Variants in GNA12 observed in about 807,000 individuals in gnomAD.
The protein encoded by GNA12 is guanine nucleotide-binding protein subunit alpha-12.
In GNA12, 9 loss-of-function variants were observed where a neutral mutation model predicts 26.0. The observed-to-expected ratio is 0.35, with a 90% CI of 0.21 to 0.60. GNA12 has a LOEUF of 0.60. Ranked by LOEUF, GNA12 falls within the 20% of genes least tolerant of loss-of-function variation. The pLI, the probability that GNA12 is intolerant of heterozygous loss-of-function variation, is 0.78. For synonymous variants in GNA12, 264 were observed against 219.6 expected (o/e 1.20, Z -1.79); for missense variants, 405 against 525.8 (o/e 0.77, Z 2.25).
At position 2,730,588 on chromosome 7, in the gene GNA12, G is replaced by C. The variant is rs1789838112; in HGVS notation, c.*593C>G. 6.6e-6 allele frequency: 1 copy of C among 152,582 alleles called. No individual in the cohort carries two copies. Among genetic ancestry groups the C allele is most frequent in the African/African-American group, 2.4e-5 (1 of 41,464 alleles). The allele number at this position is 152,582 out of a possible 1,614,324, so 9.5% of individuals were successfully genotyped here. A position where few individuals can be genotyped will look rare whatever the true frequency, so the allele number is the denominator to read the frequency against. ...TGGACTAGGGGCTCTTAGGAAATCG[G>C]CACGGGAGTTTGAAAAGGCAACGTG... On this transcript the variant is annotated 3_prime_UTR_variant, in exon 4 of 4. Transcript: ENST00000275364.
intron 1 of GNA12, 61 bp downstream of exon 1, chr7:2,843,767 CGGCGGCGGACCACGGAGGGGCCCGG>C (rs1779079129): frequency 1.8e-5 from 11 of 623,322 alleles, no homozygotes; most frequent in Non-Finnish European, 2.5e-5. Flanking sequence ...TCCCCGCCCG[CGGCGGCGGACCACGGAGGGGCCCGG>C]GGCGGGGGTT....
intron 1 of GNA12, among the ~76,000 whole-genome samples, chr7:2,805,403 G>A (rs903095055): frequency 1.3e-5 from 2 of 152,206 alleles, no homozygotes; most frequent in Non-Finnish European, 2.9e-5. Flanking sequence ...TTAAGCTAGA[G>A]ATTTTCTTTT....
chr7:2,788,411 C>G (rs534356775), intron 2 of GNA12, among the ~76,000 whole-genome samples: 3 of 152,174 alleles, frequency 2.0e-5, no homozygotes, highest in Non-Finnish European at 4.4e-5. Context: ...GGGGAGCTCT[C>G]CCTCCCCACC....
Position 2,731,038 on chromosome 7 carries a change from G to A in GNA12, c.*143C>T, listed in dbSNP as rs1789862099. 1.7e-6 allele frequency: 1 copy of A among 595,216 alleles called. No homozygotes were observed. The highest frequency in any genetic ancestry group is 1.8e-5 in the African/African-American group (1 of 54,196). The allele number at this position is 595,216 out of a possible 1,614,324, so 36.9% of individuals were successfully genotyped here. ...TTGCCTAGAGCTCGCTGGCTGGCTG[G>A]TCTGACAGCATTCCTGAGCCAGGTA... On this transcript the variant is annotated 3_prime_UTR_variant, in exon 4 of 4. Coordinates refer to ENST00000275364, the MANE Select transcript of GNA12 (RefSeq NM_007353.3). The surrounding 1 kb of genome is among the most constrained non-coding windows in gnomAD (Gnocchi z 6.0).
Position 2,748,438 on chromosome 7 carries a change from G to T in GNA12, c.526-14937C>A, listed in dbSNP as rs1379048686. ...GATTCCCTATTTAATAAATGGTGCT[G>T]GGAAAACTGGCTAGCCATATGTAGA... is the stretch of plus-strand genomic sequence containing the variant. On this transcript the variant is annotated intron_variant, in intron 2 of 3. Coordinates refer to ENST00000275364, the MANE Select transcript of GNA12 (RefSeq NM_007353.3). 1.1e-4 allele frequency among the ~76,000 whole-genome samples: 17 copies of T among 152,174 alleles called. No homozygotes were observed. The East Asian group carries it at 2.9e-3, about 26-fold the overall frequency.
chr7:2,815,451 G>A (rs1793196719), intron 1 of GNA12, among the ~76,000 whole-genome samples: 1 of 152,176 alleles, frequency 6.6e-6, no homozygotes, highest in Non-Finnish European at 1.5e-5. Flanking sequence ...ATGACTCAGC[G>A]CAGGTTGGAG....
chr7:2,794,688 C>G (rs1792606959), intron 2 of GNA12: 1 of 545,182 alleles, frequency 1.8e-6, no homozygotes, highest in Non-Finnish European at 3.3e-6. Flanking sequence ...TAAGAACCCT[C>G]CGTATTCCCA....
At chr7:2,840,828 T>A (rs916833842) in intron 1 of GNA12, among the ~76,000 whole-genome samples, 2 of 151,966 alleles carry the variant, frequency 1.3e-5, no homozygotes, top group African/African-American at 4.8e-5. Context: ...CACTCCAGCC[T>A]GGGTGACAGA....
chr7:2,737,055 G>T (rs549410383), intron 2 of GNA12, among the ~76,000 whole-genome samples: 1 of 152,122 alleles, frequency 6.6e-6, no homozygotes, highest in Non-Finnish European at 1.5e-5. Context: ...AGACTGACAG[G>T]GTGTGCATTA....
At chr7:2,817,104 A>ATTTT (rs1350646794) in intron 1 of GNA12, among the ~76,000 whole-genome samples, 1 of 152,066 alleles carries the variant, frequency 6.6e-6, no homozygotes, top group Non-Finnish European at 1.5e-5. Flanking sequence ...ACTCCACTTT[A>ATTTT]TTTTTATTTA....
At chr7:2,832,160 C>T (rs1019021620) in intron 1 of GNA12, among the ~76,000 whole-genome samples, 1 of 152,238 alleles carries the variant, frequency 6.6e-6, no homozygotes, top group Non-Finnish European at 1.5e-5. Flanking sequence ...ATCTTATGGA[C>T]AGTCGAAAGG....
At position 2,822,450 on chromosome 7, in the gene GNA12, T is replaced by C. The variant is rs116565846; in HGVS notation, c.309+21403A>G. On this transcript the variant is annotated intron_variant, in intron 1 of 3. Transcript: ENST00000275364. ...TGGAAGTCCCCTTCTCAAACCCTGA[T>C]AAAGATTGAAGGGCCAAGCGTGGTG... Among the ~76,000 whole-genome samples the C allele has an allele frequency of 4.8e-3, 731 of 152,320 alleles. 4 individuals carry two copies. Among genetic ancestry groups the C allele is most frequent in the African/African-American group, 0.017 (702 of 41,572 alleles).
At chr7:2,811,740 G>C (rs1420418691) in intron 1 of GNA12, among the ~76,000 whole-genome samples, 1 of 152,174 alleles carries the variant, frequency 6.6e-6, no homozygotes, top group African/African-American at 2.4e-5. Flanking sequence ...AGCTGTGCTG[G>C]TCTCTGATGT....
At chr7:2,826,252 C>A (rs1793482301) in intron 1 of GNA12, among the ~76,000 whole-genome samples, 1 of 151,862 alleles carries the variant, frequency 6.6e-6, no homozygotes, top group African/African-American at 2.4e-5. Flanking sequence ...GTGGTGGATG[C>A]CTGTAATCCC....
At chr7:2,756,314 C>G (rs1308454071) in intron 2 of GNA12, among the ~76,000 whole-genome samples, 1 of 152,092 alleles carries the variant, frequency 6.6e-6, no homozygotes, top group Non-Finnish European at 1.5e-5. Flanking sequence ...CTAACTATGT[C>G]CTATATAAAT....
chr7:2,733,531 A>T, intron 2 of GNA12, 30 bp from the exon 3 acceptor site: 1 of 1,575,244 alleles, frequency 6.3e-7, no homozygotes, highest in Non-Finnish European at 8.7e-7. Context: ...TTCACAGCTC[A>T]GTCTGGACTG....
chr7:2,766,504 G>C (rs1791808495), intron 2 of GNA12, among the ~76,000 whole-genome samples: 1 of 151,412 alleles, frequency 6.6e-6, no homozygotes, highest in South Asian at 2.1e-4. Flanking sequence ...TCCTGCCTCA[G>C]CCTCCTGAGT....
intron 2 of GNA12, among the ~76,000 whole-genome samples, chr7:2,735,072 C>T (rs765556792): frequency 3.9e-5 from 6 of 152,026 alleles, no homozygotes; most frequent in Non-Finnish European, 7.4e-5. Context: ...TCCTTCCACA[C>T]CCTGACAGGA....
At chr7:2,777,007 G>A (rs1792094922) in intron 2 of GNA12, among the ~76,000 whole-genome samples, 2 of 152,128 alleles carry the variant, frequency 1.3e-5, no homozygotes, top group African/African-American at 4.8e-5. Context: ...GGTGGGTTGT[G>A]CCTTTACCCC....
Sources: allele counts gnomAD v4.1 joint callset (sites outside exome capture counted in the v4.1 genomes callset), GRCh38; gene constraint gnomAD v4.1.1; non-coding constraint Gnocchi (gnomAD v3.1); transcripts MANE v1.5; gene names NCBI Gene and HGNC (gene_info 2026-07-23, HGNC 2026-07-21).